Variants in GARIN2 observed in about 807,000 individuals in gnomAD.
The protein encoded by GARIN2 is golgi associated RAB2 interactor family member 2, also known as Golgi-associated RAB2 interactor protein 2.
the GARIN2 span, among the ~76,000 whole-genome samples, chr14:67,194,523 C>A: frequency 6.6e-6 from 1 of 151,870 alleles, no homozygotes; most frequent in Non-Finnish European, 1.5e-5. Flanking sequence ...TTTTTTCCCC[C>A]AAGACAGAGT....
the GARIN2 span, among the ~76,000 whole-genome samples, chr14:67,222,281 T>G: frequency 6.6e-6 from 1 of 152,106 alleles, no homozygotes; most frequent in Non-Finnish European, 1.5e-5. Flanking sequence ...CTATTTAATG[T>G]TTTTGTTTGT....
chr14:67,200,106 G>A, the GARIN2 span: 461 of 1,035,928 alleles, frequency 4.5e-4, 1 homozygote, highest in African/African-American at 6.6e-3. Flanking sequence ...CTCCTCCAAT[G>A]GGCATGCCCC....
the GARIN2 span, among the ~76,000 whole-genome samples, chr14:67,202,568 G>T: frequency 6.6e-6 from 1 of 152,028 alleles, no homozygotes; most frequent in East Asian, 1.9e-4. Context: ...TACTTCTAAG[G>T]TTATAAATAT....
chr14:67,198,335 A>G, the GARIN2 span: 1 of 1,605,304 alleles, frequency 6.2e-7, no homozygotes, highest in Non-Finnish European at 8.5e-7. Flanking sequence ...ATCATATTCA[A>G]GGCCTGAGTT....
chr14:67,190,014 A>AT, the GARIN2 span, among the ~76,000 whole-genome samples: 199 of 113,214 alleles, frequency 1.8e-3, no homozygotes, highest in Middle Eastern at 5.3e-3. Context: ...CTAATTTTGT[A>AT]TTTTTTTTTT....
At chr14:67,221,688 G>A in the GARIN2 span, 38 of 1,555,578 alleles carry the variant, frequency 2.4e-5, no homozygotes, top group South Asian at 4.3e-4. Context: ...AGCATTTAAA[G>A]AATGACCGGT....
the GARIN2 span, among the ~76,000 whole-genome samples, chr14:67,216,145 A>G: frequency 6.6e-6 from 1 of 152,158 alleles, no homozygotes; most frequent in African/African-American, 2.4e-5. Flanking sequence ...ACAGTCAATG[A>G]ACACATATTA....
At chr14:67,228,001 C>A in the GARIN2 span, among the ~76,000 whole-genome samples, 1 of 151,956 alleles carries the variant, frequency 6.6e-6, no homozygotes, top group African/African-American at 2.4e-5. Context: ...GAAACCTCAT[C>A]TCTACTAAAA....
chr14:67,199,572 C>T, the GARIN2 span: 1 of 1,597,680 alleles, frequency 6.3e-7, no homozygotes, highest in Non-Finnish European at 8.6e-7. Context: ...TGTAACCACC[C>T]TATCACCGTA....
chr14:67,221,963 A>G, the GARIN2 span: 6 of 873,516 alleles, frequency 6.9e-6, no homozygotes, highest in Non-Finnish European at 1.0e-5. Flanking sequence ...TGAGAATCCT[A>G]TACTGAAGAA....
At chr14:67,189,837 A>ATTTTTTTTTTT in the GARIN2 span, 5 of 108,096 alleles carry the variant, frequency 4.6e-5, no homozygotes, top group East Asian at 2.6e-4. Context: ...ATTTTTTTTA[A>ATTTTTTTTTTT]TTTTTTTTTT....
chr14:67,224,424 A>T, the GARIN2 span, among the ~76,000 whole-genome samples: 3 of 151,670 alleles, frequency 2.0e-5, no homozygotes, highest in South Asian at 6.3e-4. Context: ...ATGCCTAGCT[A>T]ATTGTTTTTG....
At chr14:67,225,926 A>AGAGTGTGTGTGTGTGT in the GARIN2 span, among the ~76,000 whole-genome samples, 1 of 136,630 alleles carries the variant, frequency 7.3e-6, no homozygotes, top group African/African-American at 2.7e-5. Flanking sequence ...TAATGCTGTG[A>AGAGTGTGTGTGTGTGT]GTGTGTGTGT....
chr14:67,210,771 G>A, the GARIN2 span, among the ~76,000 whole-genome samples: 1 of 152,012 alleles, frequency 6.6e-6, no homozygotes, highest in East Asian at 1.9e-4. Flanking sequence ...CCAGCACTTA[G>A]GGAGGCCGAG....
the GARIN2 span, among the ~76,000 whole-genome samples, chr14:67,209,967 G>C: frequency 6.6e-6 from 1 of 152,154 alleles, no homozygotes; most frequent in East Asian, 1.9e-4. Context: ...ACTTGAGAAG[G>C]AATCAACCTC....
the GARIN2 span, among the ~76,000 whole-genome samples, chr14:67,197,645 AGT>A: frequency 1.7e-3 from 266 of 152,302 alleles, 1 homozygote; most frequent in Middle Eastern, 6.8e-3. Flanking sequence ...ATGGGTGAAT[AGT>A]CTGGAAAAAG....
chr14:67,222,928 C>CA, the GARIN2 span, among the ~76,000 whole-genome samples: 7 of 149,246 alleles, frequency 4.7e-5, no homozygotes, highest in Non-Finnish European at 8.9e-5. Flanking sequence ...GTCAGTCCCA[C>CA]AAAAAACAGC....
the GARIN2 span, among the ~76,000 whole-genome samples, chr14:67,202,770 C>T: frequency 6.6e-6 from 1 of 152,182 alleles, no homozygotes; most frequent in African/African-American, 2.4e-5. Context: ...CACTGCCTGT[C>T]TCCCCACTCT....
At chr14:67,205,769 G>A in the GARIN2 span, among the ~76,000 whole-genome samples, 1 of 152,160 alleles carries the variant, frequency 6.6e-6, no homozygotes, top group South Asian at 2.1e-4. Context: ...GTTAGTGACC[G>A]AAGTCTCCTG....
Sources: gnomAD v4.1 joint callset for allele counts (sites outside exome capture counted in the v4.1 genomes callset) on GRCh38, gnomAD v4.1.1 for gene constraint, MANE v1.5 for transcripts, NCBI Gene and HGNC (gene_info 2026-07-23, HGNC 2026-07-21) for gene names.